The following THSD4 variants were observed in gnomAD, a reference collection of about 807,000 sequenced individuals.
THSD4 encodes thrombospondin type-1 domain-containing protein 4.
A neutral mutation model predicts 119.0 loss-of-function variants in THSD4; 69 were observed. The observed-to-expected ratio is 0.58, with a 90% CI of 0.48 to 0.71. The LOEUF is 0.71. THSD4 is among the 30% of genes least tolerant of loss of function. The pLI is 0.00. For missense variants in THSD4, 1,393 were observed against 1,391.1 expected (o/e 1.00, Z -0.02); for synonymous variants, 524 against 540.4 (o/e 0.97, Z 0.42).
intron 3 of THSD4, among the ~76,000 whole-genome samples, chr15:71,212,115 C>T (rs904330072): frequency 1.3e-5 from 2 of 152,072 alleles, no homozygotes; most frequent in Non-Finnish European, 2.9e-5. Flanking sequence ...CTCAAGCCCT[C>T]ATCCCCTCAT....
intron 7 of THSD4, among the ~76,000 whole-genome samples, chr15:71,476,809 A>G (rs1016933763): frequency 2.6e-5 from 4 of 152,208 alleles, no homozygotes; most frequent in African/African-American, 9.6e-5. Flanking sequence ...TCTACCCAGC[A>G]TCAGCATCCC....
chr15:71,263,573 T>A (rs1030020164), intron 6 of THSD4, among the ~76,000 whole-genome samples: 1 of 152,180 alleles, frequency 6.6e-6, no homozygotes, highest in African/African-American at 2.4e-5. Flanking sequence ...TGCCACAGTG[T>A]CTTCCACAAT....
intron 7 of THSD4, among the ~76,000 whole-genome samples, chr15:71,656,558 GGCTTCA>G (rs1429483737): frequency 6.6e-6 from 1 of 152,176 alleles, no homozygotes; most frequent in Non-Finnish European, 1.5e-5. Flanking sequence ...GCCCTCTCCA[GGCTTCA>G]TGGTAACTAT....
At chr15:71,563,412 A>G (rs1177226410) in intron 7 of THSD4, among the ~76,000 whole-genome samples, 3 of 152,186 alleles carry the variant, frequency 2.0e-5, no homozygotes, top group Non-Finnish European at 4.4e-5. Context: ...TTAAAATCAC[A>G]AATATCATTG....
At chr15:71,200,740 C>A (rs932843655) in intron 3 of THSD4, among the ~76,000 whole-genome samples, 3 of 152,136 alleles carry the variant, frequency 2.0e-5, no homozygotes, top group African/African-American at 4.8e-5. Context: ...CCATCATAAT[C>A]CATTGTTATA....
At chr15:71,760,544 C>A (rs1189714496) in intron 15 of THSD4, among the ~76,000 whole-genome samples, 4 of 152,168 alleles carry the variant, frequency 2.6e-5, no homozygotes, top group African/African-American at 7.2e-5. Flanking sequence ...ATTATTTATG[C>A]CCAGAATTAT....
intron 7 of THSD4, among the ~76,000 whole-genome samples, chr15:71,469,460 G>A (rs2047543402): frequency 6.6e-6 from 1 of 152,154 alleles, no homozygotes; most frequent in Admixed American, 6.5e-5. Flanking sequence ...GAGAATGTCC[G>A]TGGCCTAGCT....
chr15:71,190,928 A>T (rs1214680198), intron 3 of THSD4, among the ~76,000 whole-genome samples: 1 of 151,670 alleles, frequency 6.6e-6, no homozygotes, highest in Non-Finnish European at 1.5e-5. Flanking sequence ...CCAAATTTAG[A>T]CTCGCGTCCC....
intron 7 of THSD4, among the ~76,000 whole-genome samples, chr15:71,651,820 C>A (rs1452812499): frequency 6.6e-6 from 1 of 152,204 alleles, no homozygotes; most frequent in Non-Finnish European, 1.5e-5. Context: ...ATCACTGCTT[C>A]TTGTACTTAA....
intron 7 of THSD4, among the ~76,000 whole-genome samples, chr15:71,647,783 G>A (rs1366058786): frequency 6.6e-6 from 1 of 152,148 alleles, no homozygotes; most frequent in African/African-American, 2.4e-5. Context: ...GTCCCTTCAT[G>A]GGGGGTAAAT....
chr15:71,209,453 A>C (rs1022556095), intron 3 of THSD4, among the ~76,000 whole-genome samples: 5 of 152,174 alleles, frequency 3.3e-5, no homozygotes, highest in Non-Finnish European at 7.4e-5. Context: ...TAGGGCAGAT[A>C]AGGGGTATTT....
chr15:71,331,567 C>T (rs75153206), intron 6 of THSD4, among the ~76,000 whole-genome samples: 6,488 of 152,270 alleles, frequency 0.043, 176 homozygotes, highest in Non-Finnish European at 0.063. Flanking sequence ...TGGGATTGCT[C>T]TGCAGTCTGG....
At chr15:71,715,714 C>T (rs2052593864) in intron 8 of THSD4, among the ~76,000 whole-genome samples, 1 of 151,500 alleles carries the variant, frequency 6.6e-6, no homozygotes, top group African/African-American at 2.4e-5. Context: ...TCCACTTATT[C>T]CCCGACGTCA....
intron 7 of THSD4, among the ~76,000 whole-genome samples, chr15:71,584,272 T>C (rs2049619323): frequency 1.0e-5 from 1 of 99,668 alleles, no homozygotes. Context: ...CTTTTTTTTT[T>C]TTTTTTTTTT....
At chr15:71,582,851 T>C (rs1264291705) in intron 7 of THSD4, among the ~76,000 whole-genome samples, 1 of 152,190 alleles carries the variant, frequency 6.6e-6, no homozygotes, top group Non-Finnish European at 1.5e-5. Context: ...TAGTACATGT[T>C]CCTTTTGATG....
intron 7 of THSD4, among the ~76,000 whole-genome samples, chr15:71,440,427 G>A (rs2047074003): frequency 1.3e-5 from 2 of 152,126 alleles, no homozygotes; most frequent in African/African-American, 2.4e-5. Context: ...ACAATGCATG[G>A]TGTTTCAGTA....
At chr15:71,173,171 A>G (rs2043399795) in intron 3 of THSD4, among the ~76,000 whole-genome samples, 1 of 152,182 alleles carries the variant, frequency 6.6e-6, no homozygotes, top group Non-Finnish European at 1.5e-5. Context: ...TGAATTCACC[A>G]AAGTAGCAGG....
chr15:71,251,131 T>TA (rs1478809667), intron 5 of THSD4, among the ~76,000 whole-genome samples: 4 of 152,186 alleles, frequency 2.6e-5, no homozygotes, highest in Non-Finnish European at 5.9e-5. Context: ...AAGGAGATAT[T>TA]AAACATATTT....
intron 9 of THSD4, 93 bp downstream of exon 9, chr15:71,728,817 C>A: frequency 6.6e-7 from 1 of 1,504,182 alleles, no homozygotes; most frequent in South Asian, 1.1e-5. Flanking sequence ...AAATCATTGC[C>A]CATACTCAAT....
Sources: gnomAD v4.1 joint callset for allele counts (sites outside exome capture counted in the v4.1 genomes callset) on GRCh38, gnomAD v4.1.1 for gene constraint, MANE v1.5 for transcripts, NCBI Gene and HGNC (gene_info 2026-07-23, HGNC 2026-07-21) for gene names.